Variants in VCAN observed in about 807,000 individuals in gnomAD.
The protein encoded by VCAN is versican core protein.
Under a neutral mutation model 245.5 loss-of-function variants are expected in VCAN, and 44 were observed. That is an observed-to-expected ratio of 0.18 (90% CI 0.14 to 0.23). The LOEUF is 0.23. VCAN is among the 10% of genes least tolerant of loss of function. The pLI is 1.00. For missense variants in VCAN, 3,793 were observed against 4,057.9 expected (o/e 0.93, Z 1.77); for synonymous variants, 1,413 against 1,437.0 (o/e 0.98, Z 0.38).
At chr5:83,477,414 TA>T (rs1318830508) in intron 1 of VCAN, among the ~76,000 whole-genome samples, 1 of 152,166 alleles carries the variant, frequency 6.6e-6, no homozygotes, top group Non-Finnish European at 1.5e-5. Context: ...AATTATTCAA[TA>T]AATGGTTTCA....
At chr5:83,498,630 G>C (rs1401416789) in intron 5 of VCAN, among the ~76,000 whole-genome samples, 1 of 152,032 alleles carries the variant, frequency 6.6e-6, no homozygotes, top group African/African-American at 2.4e-5. Context: ...GGGACATATG[G>C]GGCATGAAAG....
chr5:83,522,577 AC>A (rs1746148255), intron 7 of VCAN, among the ~76,000 whole-genome samples: 1 of 152,242 alleles, frequency 6.6e-6, no homozygotes, highest in Admixed American at 6.5e-5. Flanking sequence ...CTGTTACATC[AC>A]TTCAAAACAT....
At position 83,521,430 on chromosome 5, in the gene VCAN, G is replaced by T. The variant is rs759050538; in HGVS notation, c.3124G>T (p.Ala1042Ser). The stretch of plus-strand genomic sequence containing the variant: ...AGAATTCCCTTGGAAAGAACAGACT[G>T]CAGAGAAACCAGTTCCTGCTCTCAG... ...QEEFPWKEQTAEKPVPALSST... is the reference protein window; with the variant it reads ...QEEFPWKEQTSEKPVPALSST... Residue 1042 changes from alanine to serine, a missense_variant, in exon 7 of 15, where the codon GCA becomes TCA. Coordinates refer to ENST00000265077, the MANE Select transcript of VCAN (RefSeq NM_004385.5). 6 of 1,614,140 alleles carry T rather than the reference G, an allele frequency of 3.7e-6. No homozygotes were observed. In the Admixed American group the frequency reaches 1.0e-4, roughly 27 times the overall value.
chr5:83,472,675 G>A (rs1162566948), intron 1 of VCAN, among the ~76,000 whole-genome samples: 1 of 152,132 alleles, frequency 6.6e-6, no homozygotes, highest in African/African-American at 2.4e-5. Context: ...TCCCCGCCGT[G>A]TCTCTTTGAC....
At chr5:83,508,155 G>A (rs1745537415) in intron 5 of VCAN, among the ~76,000 whole-genome samples, 1 of 152,132 alleles carries the variant, frequency 6.6e-6, no homozygotes, top group South Asian at 2.1e-4. Context: ...AATCCTGGGA[G>A]GCAATTGGCA....
Position 83,540,662 on chromosome 5 carries a change from T to C in VCAN, c.7659T>C (p.Asp2553=). ...TAGACCTGGACAAAGAGGACAAGGA[T>C]TTAATATTGACAATTACAGAGAGTA... ...IIIDLDKEDK[D]LILTITESTI... The change falls in exon 8 of 15, where the codon GAT becomes GAC. Residue 2553 remains aspartate (D), a synonymous_variant. Coordinates refer to ENST00000265077, the MANE Select transcript of VCAN (RefSeq NM_004385.5). 6.2e-7 allele frequency: 1 copy of C among 1,613,896 alleles called. No individual in the cohort carries two copies. Among genetic ancestry groups the C allele is most frequent in the Non-Finnish European group, 8.5e-7 (1 of 1,179,956 alleles).
chr5:83,570,474 G>A (rs1381145859), intron 12 of VCAN, among the ~76,000 whole-genome samples: 1 of 152,048 alleles, frequency 6.6e-6, no homozygotes, highest in Non-Finnish European at 1.5e-5. Flanking sequence ...TTTTATGAAA[G>A]ATCTAAATTT....
chr5:83,544,178 C>T (rs1038850834), intron 8 of VCAN, among the ~76,000 whole-genome samples: 5 of 152,196 alleles, frequency 3.3e-5, no homozygotes, highest in Admixed American at 1.3e-4. Context: ...TGGCAGCGAG[C>T]GTACTTGTAC....
At chr5:83,566,768 G>C (rs1254902876) in intron 12 of VCAN, among the ~76,000 whole-genome samples, 1 of 152,220 alleles carries the variant, frequency 6.6e-6, no homozygotes, top group Non-Finnish European at 1.5e-5. Flanking sequence ...GTGCACTGCA[G>C]AAGACCTGCA....
intron 13 of VCAN, among the ~76,000 whole-genome samples, chr5:83,578,369 T>C (rs1476629282): frequency 6.6e-6 from 1 of 151,680 alleles, no homozygotes; most frequent in Non-Finnish European, 1.5e-5. Context: ...ATTAGAAAAA[T>C]AACTGTTGGG....
chr5:83,500,713 G>C (rs536264384), intron 5 of VCAN, among the ~76,000 whole-genome samples: 1 of 152,242 alleles, frequency 6.6e-6, no homozygotes, highest in South Asian at 2.1e-4. Context: ...GCAGCAGGCA[G>C]TCTTGCAAGC....
rs1747026354 is a variant in VCAN at position 83,542,080 on chromosome 5, T to C, written c.9077T>C (p.Ile3026Thr). The change falls in exon 8 of 15, where the codon ATA becomes ACA. Residue 3026 changes from isoleucine (I) to threonine (T), a missense_variant. Ile to Thr is a moderately conservative substitution (Grantham distance 89, BLOSUM62 -1). Around this residue, in one of 5 missense-constraint regions of VCAN, gnomAD observed 3,182 missense variants for 3,250.3 expected, o/e 0.98. Transcript: ENST00000265077. ...TTAATCAGAGGGCAGGATTCCACGA[T>C]AGCAGCATCAGAACAGCAAGTGGCA... is the stretch of plus-strand genomic sequence containing the variant. ...AALIRGQDST[I>T]AASEQQVAAR... The C allele has an allele frequency of 6.2e-7, 1 of 1,613,712 alleles. No individual in the cohort carries two copies. Among genetic ancestry groups the C allele is most frequent in the Non-Finnish European group, 8.5e-7 (1 of 1,179,672 alleles).
chr5:83,516,299 A>G (rs1054934746), intron 6 of VCAN, among the ~76,000 whole-genome samples: 9 of 152,258 alleles, frequency 5.9e-5, no homozygotes, highest in Middle Eastern at 3.4e-3. Context: ...AAAAAATTAT[A>G]TATATAGAGT....
At chr5:83,530,481 C>A (rs962685209) in intron 7 of VCAN, among the ~76,000 whole-genome samples, 2 of 151,714 alleles carry the variant, frequency 1.3e-5, no homozygotes, top group Non-Finnish European at 1.5e-5. Flanking sequence ...GGGTGAGGGG[C>A]GTAGCTAAGG....
Position 83,512,149 on chromosome 5 carries a change from G to A in VCAN, c.795G>A (p.Glu265=). The A allele has an allele frequency of 6.2e-7, 1 of 1,614,110 alleles. No homozygotes were observed. Among genetic ancestry groups the A allele is most frequent in the Non-Finnish European group, 8.5e-7 (1 of 1,180,024 alleles). ...LTVPSKFTFE[E]AAKECENQDA... ...TCCCCAGTAAATTCACCTTCGAGGA[G>A]GCTGCAAAAGAGTGTGAAAACCAGG... Residue 265 remains glutamate, a synonymous_variant, in exon 6 of 15, where the codon GAG becomes GAA. Transcript: ENST00000265077.
In VCAN at chr5:83,580,424, C is replaced by A; in HGVS notation, c.10181C>A (p.Ser3394Ter). The change falls in exon 15 of 15, where the codon TCG becomes TAG. Residue 3394 changes from serine to a stop codon, truncating the protein, a stop_gained. Transcript: ENST00000265077. LOFTEE classifies it high-confidence loss of function. ...DHRWSRRWQE[S>*]RR ...CGTTGGAGCCGGAGGTGGCAGGAGT[C>A]GAGGCGCTGATCCCTAAAATGGCGA... is the stretch of plus-strand genomic sequence containing the variant. The A allele has an allele frequency of 3.1e-6, 5 of 1,613,692 alleles. No homozygotes were observed. The South Asian group carries it at 3.3e-5, about 11-fold the overall frequency.
At chr5:83,502,060 T>C (rs1745344780) in intron 5 of VCAN, among the ~76,000 whole-genome samples, 1 of 152,188 alleles carries the variant, frequency 6.6e-6, no homozygotes, top group African/African-American at 2.4e-5. Flanking sequence ...CAAATGCAAA[T>C]GTAATTTTCT....
intron 1 of VCAN, among the ~76,000 whole-genome samples, chr5:83,473,714 G>A (rs1327136454): frequency 5.3e-5 from 8 of 152,170 alleles, no homozygotes; most frequent in Non-Finnish European, 8.8e-5. Flanking sequence ...TTTTGCGGCG[G>A]GTGTGGGCGC....
intron 7 of VCAN, among the ~76,000 whole-genome samples, chr5:83,526,062 C>G (rs1421779733): frequency 6.6e-6 from 1 of 151,712 alleles, no homozygotes; most frequent in Admixed American, 6.6e-5. Context: ...GCCTCAGCCT[C>G]CCGAGTAGCT....
Sources: gnomAD v4.1 joint callset for allele counts (sites outside exome capture counted in the v4.1 genomes callset) on GRCh38, gnomAD v4.1.1 for gene constraint, gnomAD v4.1.1 regional missense constraint, MANE v1.5 for transcripts, NCBI Gene and HGNC (gene_info 2026-07-23, HGNC 2026-07-21) for gene names.